The following PLB1 variants were observed in gnomAD, a reference collection of about 807,000 sequenced individuals.
PLB1 encodes the protein phospholipase B1, membrane-associated.
A neutral mutation model predicts 227.4 loss-of-function variants in PLB1; 242 were observed. That is an observed-to-expected ratio of 1.06 (90% CI 0.96 to 1.18). The LOEUF (loss-of-function observed/expected upper bound fraction) is 1.18, where lower values mean the gene tolerates loss of function less well. Among genes scored for constraint, PLB1 ranks in the 50% most tolerant of loss-of-function variants. PLB1 has a pLI of 0.00. For missense variants in PLB1, 1,858 were observed against 1,816.3 expected, an observed-to-expected ratio of 1.02 and a Z score of -0.42; for synonymous variants, 757 against 682.2, an observed-to-expected ratio of 1.11 and a Z score of -1.71.
intron 29 of PLB1, 145 bp from the exon 30 acceptor site, chr2:28,590,988 A>G (rs1681814566): frequency 4.2e-6 from 4 of 950,018 alleles, no homozygotes; most frequent in Non-Finnish European, 6.8e-6. Flanking sequence ...GCATCTTGGG[A>G]GGGAGTCAGC....
At chr2:28,542,399 G>GT (rs1240396758) in intron 13 of PLB1, among the ~76,000 whole-genome samples, 3 of 152,212 alleles carry the variant, frequency 2.0e-5, no homozygotes, top group East Asian at 3.9e-4. Context: ...TAGCTCTGGG[G>GT]TGACCAGCTG....
At chr2:28,614,963 G>C (rs1441755355) in intron 44 of PLB1, among the ~76,000 whole-genome samples, 1 of 149,128 alleles carries the variant, frequency 6.7e-6, no homozygotes, top group Non-Finnish European at 1.5e-5. Flanking sequence ...TTATATACAT[G>C]GCTAGGCATG....
intron 56 of PLB1, among the ~76,000 whole-genome samples, chr2:28,635,033 T>TAGATATGAA (rs1324181616): frequency 2.0e-5 from 3 of 152,192 alleles, no homozygotes; most frequent in Non-Finnish European, 4.4e-5. Flanking sequence ...GGGAGGAGTT[T>TAGATATGAA]AGATATGAAA....
intron 9 of PLB1, among the ~76,000 whole-genome samples, chr2:28,537,163 G>A (rs1370082712): frequency 2.0e-5 from 3 of 152,138 alleles, no homozygotes; most frequent in Non-Finnish European, 2.9e-5. Flanking sequence ...AGGGACAGCC[G>A]GTGAAGGGGC....
At chr2:28,560,443 C>T (rs1293640089) in intron 17 of PLB1, among the ~76,000 whole-genome samples, 1 of 152,110 alleles carries the variant, frequency 6.6e-6, no homozygotes, top group Admixed American at 6.5e-5. Context: ...AGATGTAGTA[C>T]CTGTGTGTGT....
At chr2:28,608,439 G>A (rs1016603730) in intron 43 of PLB1, among the ~76,000 whole-genome samples, 1 of 152,210 alleles carries the variant, frequency 6.6e-6, no homozygotes, top group African/African-American at 2.4e-5. Flanking sequence ...GGAGGCAGGA[G>A]GCCGAGATGG....
At chr2:28,518,364 T>C in intron 2 of PLB1, 102 bp from the exon 3 acceptor site, 1 of 880,828 alleles carries the variant, frequency 1.1e-6, no homozygotes, top group Non-Finnish European at 1.9e-6. Flanking sequence ...ATTTTGAGCC[T>C]AGATAGAATG....
intron 25 of PLB1, among the ~76,000 whole-genome samples, chr2:28,583,937 A>C (rs2148273898): frequency 6.6e-6 from 1 of 152,272 alleles, no homozygotes; most frequent in East Asian, 1.9e-4. Context: ...CATCTCCAGG[A>C]CCGTCAGGAA....
intron 37 of PLB1, 147 bp from the exon 38 acceptor site, chr2:28,601,752 A>G (rs1683939497): frequency 1.4e-6 from 1 of 716,296 alleles, no homozygotes; most frequent in Middle Eastern, 2.4e-4. Context: ...TGTTCATCTC[A>G]GATTTTGACA....
chr2:28,598,860 CT>C, intron 35 of PLB1, 100 bp downstream of exon 35: 1 of 1,018,202 alleles, frequency 9.8e-7, no homozygotes, highest in Non-Finnish European at 1.5e-6. Flanking sequence ...CAAAGGGGCA[CT>C]TAGCCACTTG....
intron 26 of PLB1, among the ~76,000 whole-genome samples, chr2:28,586,245 G>A (rs138655295): frequency 6.2e-4 from 95 of 152,254 alleles, no homozygotes; most frequent in African/African-American, 2.1e-3. Context: ...GGTGGGAAAC[G>A]GAGGCTGAAA....
At chr2:28,637,298 TTAA>T (rs1477054678) in intron 56 of PLB1, among the ~76,000 whole-genome samples, 4 of 121,310 alleles carry the variant, frequency 3.3e-5, no homozygotes, top group Non-Finnish European at 5.5e-5. Flanking sequence ...TGTCTCAAAT[TTAA>T]AAAAAAAAAA....
Position 28,573,232 on chromosome 2 carries a change from T to C in PLB1, c.1360T>C (p.Phe454Leu). Residue 454 changes from phenylalanine (F) to leucine (L), a missense_variant, in exon 21 of 58, where the codon TTC (phenylalanine) becomes CTC (leucine). Physicochemically the swap from Phe to Leu is conservative, Grantham distance 22 (BLOSUM62 0). Transcript: ENST00000327757. ...LREFNPSLKG[F>L]SVGTGKETSP... ...GGAATTCAACCCTTCCCTGAAGGGC[T>C]TCTCTGTTGGCACTGGGAAAGAAAC... is the stretch of plus-strand genomic sequence containing the variant. 6.2e-7 allele frequency: 1 copy of C among 1,614,166 alleles called. No homozygotes were observed. Among genetic ancestry groups the C allele is most frequent in the Non-Finnish European group, 8.5e-7 (1 of 1,180,014 alleles).
intron 51 of PLB1, 100 bp downstream of exon 51, chr2:28,626,608 C>G: frequency 3.6e-6 from 2 of 555,268 alleles, no homozygotes; most frequent in Non-Finnish European, 5.6e-6. Context: ...GAGCTCCTTG[C>G]TCATGGGAAC....
intron 1 of PLB1, among the ~76,000 whole-genome samples, chr2:28,497,126 C>T (rs763250925): frequency 6.6e-6 from 1 of 152,196 alleles, no homozygotes; most frequent in African/African-American, 2.4e-5. Context: ...TTGAGTTTCT[C>T]TTTTGTGAAG....
At chr2:28,510,758 G>A (rs548012665) in intron 1 of PLB1, among the ~76,000 whole-genome samples, 14 of 132,346 alleles carry the variant, frequency 1.1e-4, no homozygotes, top group Non-Finnish European at 1.9e-4. Context: ...CTATAGGCAT[G>A]CACCACCACA....
At chr2:28,632,560 G>A (rs11688835) in intron 55 of PLB1, among the ~76,000 whole-genome samples, 35,317 of 151,956 alleles carry the variant, frequency 0.23, 4,398 homozygotes, top group East Asian at 0.33. Flanking sequence ...AAGCCAAGGC[G>A]GTTGAATCAC....
intron 20 of PLB1, among the ~76,000 whole-genome samples, chr2:28,568,748 G>C (rs2148248823): frequency 6.6e-6 from 1 of 152,320 alleles, no homozygotes; most frequent in African/African-American, 2.4e-5. Context: ...CATAGAGGCT[G>C]TTAACCCTGT....
At chr2:28,541,490 A>AT (rs1466911649) in intron 12 of PLB1, among the ~76,000 whole-genome samples, 1 of 152,206 alleles carries the variant, frequency 6.6e-6, no homozygotes, top group African/African-American at 2.4e-5. Context: ...TGTCTGTGGT[A>AT]TTACCTAATG....
Sources: gnomAD v4.1 joint callset for allele counts (sites outside exome capture counted in the v4.1 genomes callset) on GRCh38, gnomAD v4.1.1 for gene constraint, MANE v1.5 for transcripts, NCBI Gene and HGNC (gene_info 2026-07-23, HGNC 2026-07-21) for gene names.